Variants in KIF6 observed in about 807,000 individuals in gnomAD.
The protein encoded by KIF6 is kinesin family member 6.
A neutral mutation model predicts 112.7 loss-of-function variants in KIF6; 106 were observed. The ratio of observed to expected loss-of-function variants is 0.94; its 90% CI spans 0.80 to 1.11. The LOEUF (loss-of-function observed/expected upper bound fraction) is 1.11. Among genes scored for constraint, KIF6 ranks in the 50% least tolerant of loss-of-function variants. KIF6 has a pLI of 0.00. For missense variants in KIF6, 929 were observed against 964.0 expected (o/e 0.96, Z 0.48); for synonymous variants, 339 against 339.9 (o/e 1.00, Z 0.03).
chr6:39,425,406 A>C (rs1208857777), intron 14 of KIF6, among the ~76,000 whole-genome samples: 1 of 152,050 alleles, frequency 6.6e-6, no homozygotes, highest in Admixed American at 6.6e-5. Flanking sequence ...GGCTGCCTCC[A>C]CTTTATTGTA....
intron 2 of KIF6, among the ~76,000 whole-genome samples, chr6:39,718,229 C>CAAAAAAAAAAAAAAAAAAAA (rs35872391): frequency 1.7e-5 from 1 of 58,948 alleles, no homozygotes; most frequent in Non-Finnish European, 3.0e-5. Flanking sequence ...GACTCCATCT[C>CAAAAAAAAAAAAAAAAAAAA]AAAAAAAAAA....
rs1204678523 is a variant in KIF6, at chr6:39,332,153, A to G, written c.*4379T>C. 1.3e-5 allele frequency: 2 copies of G among 151,902 alleles called. No individual in the cohort carries two copies. Among genetic ancestry groups the G allele is most frequent in the African/African-American group, 2.4e-5 (1 of 41,362 alleles). 9.4% of individuals were successfully genotyped at this position (151,902 alleles called of 1,614,324 possible). Reference sequence around the variant, plus strand: ...GTAGAGACGGGGTTTCCCCATGTTGAACAGGCTGTTCTTGAACTCCTGACC... The same window carrying G: ...GTAGAGACGGGGTTTCCCCATGTTGGACAGGCTGTTCTTGAACTCCTGACC... On this transcript the variant is annotated 3_prime_UTR_variant, in exon 23 of 23. Transcript: ENST00000287152.
At chr6:39,429,778 G>C (rs992375585) in intron 14 of KIF6, among the ~76,000 whole-genome samples, 1 of 151,990 alleles carries the variant, frequency 6.6e-6, no homozygotes, top group Non-Finnish European at 1.5e-5. Context: ...TGTGGTGGCG[G>C]GTGCCTGTAG....
chr6:39,561,614 C>T (rs569624388), intron 10 of KIF6, among the ~76,000 whole-genome samples: 2 of 152,156 alleles, frequency 1.3e-5, no homozygotes, highest in East Asian at 3.9e-4. Context: ...TGCCTTGGCT[C>T]CCAAAGTGCT....
At chr6:39,567,757 A>G (rs566309905) in intron 10 of KIF6, among the ~76,000 whole-genome samples, 4 of 151,960 alleles carry the variant, frequency 2.6e-5, no homozygotes, top group South Asian at 2.1e-4. Context: ...ACAGGCACCC[A>G]CCACCGCGCC....
At chr6:39,451,328 A>T (rs1772687530) in intron 13 of KIF6, among the ~76,000 whole-genome samples, 2 of 152,212 alleles carry the variant, frequency 1.3e-5, no homozygotes, top group South Asian at 4.1e-4. Context: ...GATATGAATG[A>T]TGGGGCAGGC....
intron 7 of KIF6, among the ~76,000 whole-genome samples, chr6:39,590,990 A>G (rs1213268992): frequency 6.6e-6 from 1 of 152,222 alleles, no homozygotes; most frequent in Non-Finnish European, 1.5e-5. Context: ...TTGCGGCCCC[A>G]CAATGGTTGC....
chr6:39,514,271 T>C (rs1189251146), intron 13 of KIF6, among the ~76,000 whole-genome samples: 1 of 152,206 alleles, frequency 6.6e-6, no homozygotes, highest in African/African-American at 2.4e-5. Context: ...AAGTCGAAGA[T>C]TTTAAGAACA....
chr6:39,674,202 T>C (rs566179593), intron 3 of KIF6, among the ~76,000 whole-genome samples: 1 of 152,290 alleles, frequency 6.6e-6, no homozygotes, highest in African/African-American at 2.4e-5. Context: ...TTATTAACAA[T>C]AAATTATACA....
chr6:39,374,361 C>A (rs917370478), intron 16 of KIF6, among the ~76,000 whole-genome samples: 2 of 152,100 alleles, frequency 1.3e-5, no homozygotes, highest in African/African-American at 2.4e-5. Context: ...GACAACAAAA[C>A]AAACTTGCAC....
chr6:39,609,040 G>T lies in KIF6; in HGVS notation c.639+4149C>A, dbSNP rs368857464. On this transcript the variant is annotated intron_variant, in intron 6 of 22. Coordinates refer to ENST00000287152, the MANE Select transcript of KIF6 (RefSeq NM_145027.6). ...GGGTATTATTATGCCCATTTTACAG[G>T]TTAGAAAGTACAGTTTAGACCAGTT... Among the ~76,000 whole-genome samples the T allele has an allele frequency of 2.0e-4, 31 of 152,300 alleles. No homozygotes were observed. In the South Asian group the frequency reaches 6.4e-3, roughly 32 times the overall value.
At chr6:39,603,442 T>C (rs929046621) in intron 6 of KIF6, among the ~76,000 whole-genome samples, 3 of 151,990 alleles carry the variant, frequency 2.0e-5, no homozygotes, top group African/African-American at 7.2e-5. Context: ...GTAAAAAACC[T>C]CAAATCTCAT....
chr6:39,419,936 TCATCTGCTTAC>T lies in KIF6; in HGVS notation c.1810+1_1810+11del. The stretch of plus-strand genomic sequence containing the variant: ...GTTTCTGAAAGAGGCTCACAGAATA[TCATCTGCTTAC>T]CAATTTTACTTCTTGCTTCATTTAT... On this transcript the variant is annotated splice_donor_variant and splice_donor_5th_base_variant and intron_variant, in intron 15 of 22. Coordinates refer to ENST00000287152, the MANE Select transcript of KIF6 (RefSeq NM_145027.6). LOFTEE classifies it high-confidence loss of function. 6.2e-7 allele frequency: 1 copy of T among 1,608,904 alleles called. No individual in the cohort carries two copies. Among genetic ancestry groups the T allele is most frequent in the Non-Finnish European group, 8.5e-7 (1 of 1,175,188 alleles).
intron 3 of KIF6, among the ~76,000 whole-genome samples, chr6:39,651,682 T>C (rs1326383999): frequency 1.3e-5 from 2 of 152,192 alleles, no homozygotes; most frequent in Non-Finnish European, 2.9e-5. Context: ...ATGGAAGACA[T>C]TTTGCACATT....
At chr6:39,337,211 C>CTTTCTTTCTTTCTTTCTTTCTT (rs1562102802) in intron 22 of KIF6, among the ~76,000 whole-genome samples, 1 of 94,560 alleles carries the variant, frequency 1.1e-5, no homozygotes, top group African/African-American at 8.0e-5. Flanking sequence ...TTCTTTCTTT[C>CTTTCTTTCTTTCTTTCTTTCTT]TTTCTTTCTT....
At chr6:39,393,367 C>T (rs949697339) in intron 15 of KIF6, among the ~76,000 whole-genome samples, 8 of 152,088 alleles carry the variant, frequency 5.3e-5, no homozygotes, top group African/African-American at 1.9e-4. Flanking sequence ...GTCAGTGTGC[C>T]TCAGTTTTGA....
chr6:39,694,282 C>T (rs1460619518), intron 3 of KIF6, among the ~76,000 whole-genome samples: 1 of 152,096 alleles, frequency 6.6e-6, no homozygotes, highest in Non-Finnish European at 1.5e-5. Context: ...CCACTCTCAC[C>T]ACTCCTGCTC....
At chr6:39,379,651 G>A (rs1484590623) in intron 16 of KIF6, among the ~76,000 whole-genome samples, 1 of 152,228 alleles carries the variant, frequency 6.6e-6, no homozygotes, top group Non-Finnish European at 1.5e-5. Context: ...AGAGGACAGT[G>A]AATGGAAGAA....
At chr6:39,622,643 T>C (rs907407630) in intron 5 of KIF6, among the ~76,000 whole-genome samples, 1 of 152,198 alleles carries the variant, frequency 6.6e-6, no homozygotes, top group African/African-American at 2.4e-5. Context: ...CAGGGAATTA[T>C]TTAAAGACAC....
Sources: allele counts gnomAD v4.1 joint callset (sites outside exome capture counted in the v4.1 genomes callset), GRCh38; gene constraint gnomAD v4.1.1; transcripts MANE v1.5; gene names NCBI Gene and HGNC (gene_info 2026-07-23, HGNC 2026-07-21).